LPA: variants seen among roughly 807,000 people sequenced by gnomAD.
The protein encoded by LPA is lipoprotein(a), also known as apolipoprotein(a).
In LPA, 199 loss-of-function variants were observed where a neutral mutation model predicts 197.9. That is an observed-to-expected ratio of 1.01 (90% CI 0.90 to 1.13). The LOEUF is 1.13. Ranked by LOEUF, LPA falls within the 50% of genes most tolerant of loss-of-function variation. The probability of loss-of-function intolerance (pLI) is 0.00; values close to 1 mark genes in which losing one functional copy is unlikely to be tolerated. For missense variants in LPA, 1,853 were observed against 1,785.8 expected (o/e 1.04, Z -0.68); for synonymous variants, 715 against 639.5 (o/e 1.12, Z -1.78).
chr6:160,572,818 C>T (rs1778586982), intron 28 of LPA, among the ~76,000 whole-genome samples: 1 of 152,196 alleles, frequency 6.6e-6, no homozygotes, highest in African/African-American at 2.4e-5. Context: ...CCTGGTGCTT[C>T]TGTCTCACAG....
chr6:160,651,601 C>G (rs1248256370), intron 1 of LPA, among the ~76,000 whole-genome samples: 1 of 152,178 alleles, frequency 6.6e-6, no homozygotes, highest in Non-Finnish European at 1.5e-5. Context: ...TCTACTGTTC[C>G]TCCATTTATG....
At chr6:160,651,078 T>C (rs1162855553) in intron 1 of LPA, among the ~76,000 whole-genome samples, 1 of 152,166 alleles carries the variant, frequency 6.6e-6, no homozygotes, top group Admixed American at 6.6e-5. Context: ...GCATCCTGCA[T>C]TGCAACATAG....
At chr6:160,587,009 A>T (rs1012440070) in intron 24 of LPA, among the ~76,000 whole-genome samples, 2 of 152,182 alleles carry the variant, frequency 1.3e-5, no homozygotes, top group Non-Finnish European at 1.5e-5. Flanking sequence ...TTTATCTGTC[A>T]GGCTGTCTGT....
chr6:160,588,052 C>T (rs1272406882), intron 24 of LPA, among the ~76,000 whole-genome samples: 1 of 152,052 alleles, frequency 6.6e-6, no homozygotes, highest in East Asian at 1.9e-4. Context: ...ACACAGTTCT[C>T]AGAGGTGCAT....
chr6:160,572,469 G>T lies in LPA; in HGVS notation c.4631+4667C>A, dbSNP rs575864877. ...TACTTTGGTTTTGTTTTTTGTTTTT[G>T]TTTTTTAACTTGTACTTTTGTTTTA... On this transcript the variant is annotated intron_variant, in intron 28 of 38. Transcript: ENST00000316300. Among the ~76,000 whole-genome samples the T allele has an allele frequency of 5.5e-4, 83 of 152,028 alleles. 2 individuals carry two copies. The South Asian group carries it at 0.017, about 31-fold the overall frequency.
intron 18 of LPA, among the ~76,000 whole-genome samples, chr6:160,602,882 T>C (rs547746484): frequency 6.6e-6 from 1 of 152,316 alleles, no homozygotes; most frequent in African/African-American, 2.4e-5. Flanking sequence ...TGTATCACTG[T>C]TCTTCTAGCA....
At position 160,650,419 on chromosome 6, in the gene LPA, G is replaced by C. The variant is rs747664654; in HGVS notation, c.128C>G (p.Thr43Ser). ...GQSYRGTYST[T>S]VTGRTCQAWS... ...AGCTTGGCAGGTCCTTCCTGTGACA[G>C]TGGTGGAGTACGTGCCTCGATAACT... The change falls in exon 2 of 39, where the codon ACT (threonine) becomes AGT (serine). Residue 43 changes from threonine (T) to serine (S), a missense_variant. Thr to Ser is a moderately conservative substitution (Grantham distance 58). Transcript: ENST00000316300. The C allele has an allele frequency of 1.2e-6, 2 of 1,613,766 alleles. No individual in the cohort carries two copies. The highest frequency in any genetic ancestry group is 1.3e-5 in the African/African-American group (1 of 74,924).
intron 16 of LPA, among the ~76,000 whole-genome samples, chr6:160,609,848 G>C (rs6937879): frequency 6.6e-6 from 1 of 151,646 alleles, no homozygotes; most frequent in Non-Finnish European, 1.5e-5. Flanking sequence ...GTGTGTGTGT[G>C]GCTCATTCTG....
intron 14 of LPA, among the ~76,000 whole-genome samples, chr6:160,615,382 G>GTT (rs1779578598): frequency 7.7e-6 from 1 of 129,328 alleles, no homozygotes; most frequent in African/African-American, 3.0e-5. Context: ...GTGTGTGTGT[G>GTT]TGTAGCTCAT....
chr6:160,565,101 G>A (rs1389922256), intron 28 of LPA, among the ~76,000 whole-genome samples: 4 of 152,190 alleles, frequency 2.6e-5, no homozygotes, highest in Admixed American at 1.3e-4. Context: ...TGGGGGCAGG[G>A]CATAGCTGAA....
chr6:160,606,800 C>T (rs1779364312), intron 16 of LPA, 142 bp from the exon 17 acceptor site: 2 of 1,288,356 alleles, frequency 1.6e-6, no homozygotes, highest in Non-Finnish European at 2.2e-6. Context: ...TTGCCACAAG[C>T]ACAAATGGCT....
At chr6:160,663,010 C>A (rs1369651848) in intron 1 of LPA, among the ~76,000 whole-genome samples, 1 of 152,228 alleles carries the variant, frequency 6.6e-6, no homozygotes, top group Non-Finnish European at 1.5e-5. Context: ...CACCAGCAGG[C>A]AACTGCTCAA....
In LPA at chr6:160,611,004, G is replaced by A. The variant is rs185421391; in HGVS notation, c.2603+558C>T. The stretch of plus-strand genomic sequence containing the variant: ...ACTTTTCAGCATCCCTCTCTGTGCT[G>A]ACTCTCATCTGCCTTCCTTCCTTGG... On this transcript the variant is annotated intron_variant, in intron 16 of 38. Coordinates refer to ENST00000316300, the MANE Select transcript of LPA (RefSeq NM_005577.4). 3.7e-4 allele frequency among the ~76,000 whole-genome samples: 56 copies of A among 152,212 alleles called. 2 individuals are homozygous for A. Among genetic ancestry groups the A allele is most frequent in the African/African-American group, 1.3e-3 (55 of 41,498 alleles).
At chr6:160,599,909 G>T (rs1306391645) in intron 19 of LPA, among the ~76,000 whole-genome samples, 3 of 152,136 alleles carry the variant, frequency 2.0e-5, no homozygotes, top group East Asian at 1.9e-4. Context: ...ATATCAGATT[G>T]CTTCTCATCG....
At chr6:160,535,620 T>A (rs142128159) in intron 37 of LPA, among the ~76,000 whole-genome samples, 54 of 656 alleles carry the variant, frequency 0.082, no homozygotes, top group South Asian at 0.17. Flanking sequence ...AGTGATGATA[T>A]TGGTGATGGT....
At chr6:160,555,604 T>TAC (rs1314444880) in intron 30 of LPA, among the ~76,000 whole-genome samples, 2 of 151,292 alleles carry the variant, frequency 1.3e-5, no homozygotes, top group Non-Finnish European at 2.9e-5. Context: ...GTTATATATA[T>TAC]ACTCATATAC....
chr6:160,547,839 G>A lies in LPA; in HGVS notation c.5254C>T (p.His1752Tyr). Residue 1752 changes from histidine (H) to tyrosine (Y), a missense_variant, in exon 32 of 39, where the codon CAC becomes TAC. Physicochemically the swap from His to Tyr is moderately conservative, Grantham distance 83 (BLOSUM62 2). Around this residue, in one of 3 missense-constraint regions of LPA, gnomAD observed 1,737 missense variants for 1,504.4 expected, o/e 1.15. Transcript: ENST00000316300. Reference sequence around the variant, plus strand: ...TTTGTCCCTGGAATGAACGTGCTGTGTCTATGGGGCTCCTGGGCAGCCCAT... The same window carrying A: ...TTTGTCCCTGGAATGAACGTGCTGTATCTATGGGGCTCCTGGGCAGCCCAT... ...QEWAAQEPHR[H>Y]STFIPGTNKW... The A allele has an allele frequency of 1.2e-6, 2 of 1,614,134 alleles. No individual in the cohort carries two copies. Among genetic ancestry groups the A allele is most frequent in the Non-Finnish European group, 1.7e-6 (2 of 1,180,024 alleles).
At chr6:160,656,186 G>A (rs1780129282) in intron 1 of LPA, among the ~76,000 whole-genome samples, 1 of 152,184 alleles carries the variant, frequency 6.6e-6, no homozygotes, top group African/African-American at 2.4e-5. Flanking sequence ...GATGTGGTGG[G>A]AATCACCACC....
chr6:160,558,198 T>C (rs1365606031), intron 28 of LPA, among the ~76,000 whole-genome samples: 3 of 152,136 alleles, frequency 2.0e-5, no homozygotes, highest in East Asian at 1.9e-4. Flanking sequence ...GGATTACAGG[T>C]GTGAGCCACT....
Sources: gnomAD v4.1 joint callset for allele counts (sites outside exome capture counted in the v4.1 genomes callset) on GRCh38, gnomAD v4.1.1 for gene constraint, gnomAD v4.1.1 regional missense constraint, MANE v1.5 for transcripts, NCBI Gene and HGNC (gene_info 2026-07-23, HGNC 2026-07-21) for gene names.